The following AMDHD2 variants were observed in gnomAD, a reference collection of about 807,000 sequenced individuals.
AMDHD2 encodes the protein N-acetylglucosamine-6-phosphate deacetylase.
AMDHD2 carries 24 observed loss-of-function variants against 41.8 expected under a neutral mutation model. The observed-to-expected ratio is 0.57, with a 90% confidence interval of 0.42 to 0.81. The LOEUF is 0.81. AMDHD2 is among the 30% of genes least tolerant of loss of function. The pLI is 0.00. For missense variants in AMDHD2, 540 were observed against 588.5 expected, an observed-to-expected ratio of 0.92 and a Z score of 0.85; for synonymous variants, 332 against 255.5, an observed-to-expected ratio of 1.30 and a Z score of -2.85.
Position 2,529,967 on chromosome 16 carries a change from G to T in AMDHD2, c.*404G>T. On this transcript the variant is annotated 3_prime_UTR_variant, in exon 11 of 11. Coordinates refer to ENST00000293971, the MANE Select transcript of AMDHD2 (RefSeq NM_001330449.2). ...CAGTCAGTGGCTGGTGCCATGGGGT[G>T]AAGCCACCATGGGCTGGGGGTGAAG... 1.3e-6 allele frequency: 1 copy of T among 769,398 alleles called. No individual in the cohort carries two copies. Among genetic ancestry groups the T allele is most frequent in the Non-Finnish European group, 2.0e-6 (1 of 502,442 alleles). The allele number at this position is 769,398 out of a possible 1,614,324, so 47.7% of individuals were successfully genotyped here. A position where few individuals can be genotyped will look rare whatever the true frequency, so the allele number is the denominator to read the frequency against.
In AMDHD2 at chr16:2,529,554, T is replaced by C. The variant is rs2066057518; in HGVS notation, c.1221T>C (p.Ala407=). Residue 407 remains alanine, a synonymous_variant, in exon 11 of 11, where the codon GCT becomes GCC. Transcript: ENST00000293971. ...SGELVWQADA[A]RQ is the part of the protein sequence containing the mutation. ...AGCTGGTGTGGCAGGCGGACGCAGC[T>C]AGGCAGTGACAAGGACCTCGGCTGA... The C allele has an allele frequency of 6.2e-7, 1 of 1,607,366 alleles. No individual in the cohort carries two copies. The highest frequency in any genetic ancestry group is 1.1e-5 in the South Asian group (1 of 91,080).
In AMDHD2 at chr16:2,531,234, G is replaced by C. The variant is rs2066092154; in HGVS notation, c.*1671G>C. The C allele has an allele frequency of 1.1e-6, 1 of 921,878 alleles. No individual in the cohort carries two copies. Among genetic ancestry groups the C allele is most frequent in the Non-Finnish European group, 1.6e-6 (1 of 617,400 alleles). 57.1% of individuals were successfully genotyped at this position (921,878 alleles called of 1,614,324 possible). On this transcript the variant is annotated 3_prime_UTR_variant, in exon 11 of 11. Coordinates refer to ENST00000293971, the MANE Select transcript of AMDHD2 (RefSeq NM_001330449.2). Reference sequence around the variant, plus strand: ...CTGGAGGGTCGGGGAGGGGCTGGCAGAGATGGTTGGTCCACAGGGCTAGCC... The same window carrying C: ...CTGGAGGGTCGGGGAGGGGCTGGCACAGATGGTTGGTCCACAGGGCTAGCC...
chr16:2,525,322 T>G (rs545290532), intron 3 of AMDHD2, among the ~76,000 whole-genome samples: 1 of 151,548 alleles, frequency 6.6e-6, no homozygotes, highest in Non-Finnish European at 1.5e-5. Flanking sequence ...CCTTCCAAAG[T>G]GCTGGGATTA....
chr16:2,528,985 C>T lies in AMDHD2; in HGVS notation c.1040-9C>T. The T allele has an allele frequency of 1.3e-6, 2 of 1,568,328 alleles. No individual in the cohort carries two copies. Among genetic ancestry groups the T allele is most frequent in the South Asian group, 2.3e-5 (2 of 85,808 alleles). ...TGGGGACTGTCACCTAGCTGTGTCC[C>T]CCAAGCAGGCTGCAGCATGGAGTCG... On this transcript the variant is annotated splice_polypyrimidine_tract_variant and intron_variant, in intron 9 of 10. Coordinates refer to ENST00000293971, the MANE Select transcript of AMDHD2 (RefSeq NM_001330449.2).
Position 2,529,458 on chromosome 16 carries a change from G to A in AMDHD2, c.1142-17G>A. 6.2e-7 allele frequency: 1 copy of A among 1,608,406 alleles called. No homozygotes were observed. The highest frequency in any genetic ancestry group is 8.5e-7 in the Non-Finnish European group (1 of 1,179,870). On this transcript the variant is annotated splice_polypyrimidine_tract_variant and intron_variant, in intron 10 of 10. Coordinates refer to ENST00000293971, the MANE Select transcript of AMDHD2 (RefSeq NM_001330449.2). ...GCCCCACTCCTGCCCCCTACTCATT[G>A]CCCGGCTCTGTCCCAGACTTCGTGG...
rs776242383 is a variant in AMDHD2 at position 2,528,334 on chromosome 16, C to T, written c.816C>T (p.His272=). Residue 272 remains histidine (H), a synonymous_variant, in exon 7 of 11, where the codon CAC becomes CAT. Transcript: ENST00000293971. The part of the protein sequence containing the change: ...IFYGMIADGT[H]TNPAALRIAH... ...ATGGGATGATTGCAGATGGCACGCA[C>T]ACCAACCCCGCCGCCCTGCGGATCG... 9 of 1,612,852 alleles carry T rather than the reference C, an allele frequency of 5.6e-6. No individual in the cohort carries two copies. Among genetic ancestry groups the T allele is most frequent in the Non-Finnish European group, 6.8e-6 (8 of 1,179,936 alleles).
chr16:2,526,743 C>G (rs906994966), intron 3 of AMDHD2, among the ~76,000 whole-genome samples: 2 of 152,070 alleles, frequency 1.3e-5, no homozygotes, highest in Non-Finnish European at 2.9e-5. Flanking sequence ...CTGGCCTGAC[C>G]TACATGGTGA....
intron 3 of AMDHD2, among the ~76,000 whole-genome samples, chr16:2,524,877 A>G (rs998126456): frequency 6.6e-6 from 1 of 151,790 alleles, no homozygotes; most frequent in Non-Finnish European, 1.5e-5. Context: ...GTAGTTCCCC[A>G]TAATTGTGAT....
chr16:2,526,114 C>G (rs1234829452), intron 3 of AMDHD2, among the ~76,000 whole-genome samples: 1 of 152,208 alleles, frequency 6.6e-6, no homozygotes, highest in Non-Finnish European at 1.5e-5. Context: ...GCCCTGTCCT[C>G]TTTTGTTCGG....
At position 2,530,134 on chromosome 16, in the gene AMDHD2, A is replaced by G. The variant is rs910717484; in HGVS notation, c.*571A>G. The G allele has an allele frequency of 3.6e-6, 5 of 1,371,070 alleles. No individual in the cohort carries two copies. In the South Asian group the frequency reaches 7.2e-5, roughly 20 times the overall value. 84.9% of individuals were successfully genotyped at this position (1,371,070 alleles called of 1,614,324 possible). On this transcript the variant is annotated 3_prime_UTR_variant, in exon 11 of 11. Coordinates refer to ENST00000293971, the MANE Select transcript of AMDHD2 (RefSeq NM_001330449.2). The stretch of plus-strand genomic sequence containing the variant: ...TGCCAGGGGCTCCGCTCTGACCTCC[A>G]GGAGGGAGACTGGGCCCGGGACCCC...
chr16:2,522,257 C>A lies in AMDHD2; in HGVS notation c.360+1134C>A, dbSNP rs1245194818. Among the ~76,000 whole-genome samples the A allele has an allele frequency of 3.3e-5, 5 of 152,250 alleles. No homozygotes were observed. In the East Asian group the frequency reaches 9.7e-4, roughly 29 times the overall value. On this transcript the variant is annotated intron_variant, in intron 3 of 10. Transcript: ENST00000293971. ...TGCCACCATGCCCAGCCAATTTTAA[C>A]ATTTTTTGTAGAGAAAGTCTCACTG...
chr16:2,529,049 G>T lies in AMDHD2; in HGVS notation c.1095G>T (p.Leu365=). 1 of 1,600,052 alleles carries T rather than the reference G, an allele frequency of 6.2e-7. No homozygotes were observed. Among genetic ancestry groups the T allele is most frequent in the East Asian group, 2.3e-5 (1 of 44,302 alleles). Residue 365 remains leucine (L), a synonymous_variant, in exon 10 of 11, where the codon CTG becomes CTT. Coordinates refer to ENST00000293971, the MANE Select transcript of AMDHD2 (RefSeq NM_001330449.2). Reference sequence around the variant, plus strand: ...CATCCCTGCACCCCGCCCAGTTGCTGGGGCTGGAGAAGAGTAAGGGGACCC... The same window carrying T: ...CATCCCTGCACCCCGCCCAGTTGCTTGGGCTGGAGAAGAGTAAGGGGACCC... The part of the protein sequence containing the change: ...EAASLHPAQL[L]GLEKSKGTLD...
intron 3 of AMDHD2, among the ~76,000 whole-genome samples, chr16:2,521,647 C>G (rs752776439): frequency 2.9e-4 from 44 of 152,008 alleles, no homozygotes; most frequent in Non-Finnish European, 5.6e-4. Flanking sequence ...TTAATTTTTA[C>G]TTAGGTTCTA....
intron 3 of AMDHD2, among the ~76,000 whole-genome samples, chr16:2,523,710 G>C (rs2065969751): frequency 6.6e-6 from 1 of 152,166 alleles, no homozygotes; most frequent in East Asian, 1.9e-4. Flanking sequence ...TCTGGGGCCT[G>C]TCAGAGCCAC....
chr16:2,528,576 A>AC lies in AMDHD2; in HGVS notation c.970+18dup. 6.2e-7 allele frequency: 1 copy of AC among 1,612,526 alleles called. No homozygotes were observed. Reference sequence around the variant, plus strand: ...ACGTGGCAGGTGAGCGCCCTGACCCACTGGGTCCCAGGTCCCAGCCCGCAT... The same window carrying AC: ...ACGTGGCAGGTGAGCGCCCTGACCCACCTGGGTCCCAGGTCCCAGCCCGCAT... On this transcript the variant is annotated intron_variant, in intron 8 of 10. Transcript: ENST00000293971.
In AMDHD2 at chr16:2,520,414, G is replaced by C. The variant is rs2065915365; in HGVS notation, c.-45G>C. 4.1e-6 allele frequency: 5 copies of C among 1,220,010 alleles called. No individual in the cohort carries two copies. Among genetic ancestry groups the C allele is most frequent in the Non-Finnish European group, 5.1e-6 (5 of 977,188 alleles). 75.6% of individuals were successfully genotyped at this position (1,220,010 alleles called of 1,614,324 possible). Reference sequence around the variant, plus strand: ...GGTTCGTCACTGGGCGCGGGATTTGGCCGCCGCGGGGCTCCGGAGCCGCTC... The same window carrying C: ...GGTTCGTCACTGGGCGCGGGATTTGCCCGCCGCGGGGCTCCGGAGCCGCTC... On this transcript the variant is annotated 5_prime_UTR_variant, in exon 1 of 11. Transcript: ENST00000293971.
At chr16:2,522,078 C>T (rs553639362) in intron 3 of AMDHD2, among the ~76,000 whole-genome samples, 138 of 152,204 alleles carry the variant, frequency 9.1e-4, no homozygotes, top group African/African-American at 3.1e-3. Flanking sequence ...GCCACCGCGC[C>T]CGGCCAGTTT....
chr16:2,524,517 A>G (rs563217893), intron 3 of AMDHD2, among the ~76,000 whole-genome samples: 1 of 152,104 alleles, frequency 6.6e-6, no homozygotes, highest in Non-Finnish European at 1.5e-5. Context: ...TGCTCTCTCT[A>G]TGTAGCGCCC....
chr16:2,530,027 G>A lies in AMDHD2; in HGVS notation c.*464G>A. 1.3e-6 allele frequency: 1 copy of A among 748,876 alleles called. No individual in the cohort carries two copies. Among genetic ancestry groups the A allele is most frequent in the Non-Finnish European group, 2.1e-6 (1 of 479,176 alleles). The allele number at this position is 748,876 out of a possible 1,614,324, so 46.4% of individuals were successfully genotyped here. The stretch of plus-strand genomic sequence containing the variant: ...GAAGGGGACCAGTCACAGGGAGTGT[G>A]GACAGTCAGGGGTTTGCTTTCTGCT... On this transcript the variant is annotated 3_prime_UTR_variant, in exon 11 of 11. Transcript: ENST00000293971.
Sources: gnomAD v4.1 joint callset for allele counts (sites outside exome capture counted in the v4.1 genomes callset) on GRCh38, gnomAD v4.1.1 for gene constraint, MANE v1.5 for transcripts, NCBI Gene and HGNC (gene_info 2026-07-23, HGNC 2026-07-21) for gene names.